Variants in MAEA observed in about 807,000 individuals in gnomAD.
MAEA encodes the protein macrophage erythroblast attacher, E3 ubiquitin ligase, also known as E3 ubiquitin-protein transferase MAEA.
A neutral mutation model predicts 46.2 loss-of-function variants in MAEA; 22 were observed. The ratio of observed to expected loss-of-function variants is 0.48; its 90% CI spans 0.34 to 0.68. MAEA has a LOEUF of 0.68. Among genes scored for constraint, MAEA ranks in the 30% least tolerant of loss-of-function variants. The probability of loss-of-function intolerance (pLI) is 0.01; values close to 1 mark genes in which losing one functional copy is unlikely to be tolerated. For missense variants in MAEA, 393 were observed against 558.1 expected, an observed-to-expected ratio of 0.70 and a Z score of 2.98; for synonymous variants, 246 against 222.6, an observed-to-expected ratio of 1.11 and a Z score of -0.94.
chr4:1,302,085 A>G (rs1254580690), intron 1 of MAEA, among the ~76,000 whole-genome samples: 1 of 152,246 alleles, frequency 6.6e-6, no homozygotes, highest in East Asian at 1.9e-4. Flanking sequence ...GAGAAAATAG[A>G]TGCCAAAATA....
In MAEA at chr4:1,339,056, C is replaced by T. The variant is rs752200484; in HGVS notation, c.1096-18C>T. ...TTGTAGTCGCTTGCCTTAATGCATTCCCGGTTTTATTTTTCAGTCTCTGCT... is the reference window on the plus strand; with the variant it reads ...TTGTAGTCGCTTGCCTTAATGCATTTCCGGTTTTATTTTTCAGTCTCTGCT... On this transcript the variant is annotated intron_variant, in intron 8 of 8. Coordinates refer to ENST00000303400, the MANE Select transcript of MAEA (RefSeq NM_001017405.3). 2.7e-5 allele frequency: 43 copies of T among 1,600,852 alleles called. 1 individual carries two copies. The South Asian group carries it at 4.4e-4, about 16-fold the overall frequency.
In MAEA at chr4:1,311,144, C is replaced by T. The variant is rs1736446276; in HGVS notation, c.70-835C>T. Among the ~76,000 whole-genome samples the T allele has an allele frequency of 6.6e-6, 1 of 152,220 alleles. No homozygotes were observed. The highest frequency in any genetic ancestry group is 1.5e-5 in the Non-Finnish European group (1 of 68,046). The stretch of plus-strand genomic sequence containing the variant: ...GCACAGCTGCGACGGCAGAGTTGGG[C>T]CCACTGCTCTTGGGCGGCAGCACGG... On this transcript the variant is annotated intron_variant, in intron 1 of 8. Transcript: ENST00000303400. This position sits in a 1 kb window ranked among gnomAD's most constrained non-coding sequence, Gnocchi z 4.4.
chr4:1,303,662 C>T (rs1442433080), intron 1 of MAEA, among the ~76,000 whole-genome samples: 2 of 151,962 alleles, frequency 1.3e-5, no homozygotes, highest in African/African-American at 2.4e-5. Context: ...GGGACTACAG[C>T]GGGTTCCTTT....
intron 7 of MAEA, 30 bp from the exon 8 acceptor site, chr4:1,338,391 GC>G (rs776274818): frequency 2.5e-6 from 4 of 1,583,964 alleles, no homozygotes; most frequent in Non-Finnish European, 3.5e-6. Flanking sequence ...GCCCTGAGTG[GC>G]CCCCAACCCT....
intron 1 of MAEA, among the ~76,000 whole-genome samples, chr4:1,309,066 C>CT: frequency 6.6e-6 from 1 of 152,236 alleles, no homozygotes; most frequent in South Asian, 2.1e-4. Flanking sequence ...TTTCTTGTGT[C>CT]TTAGAATCTG....
rs1168309035 is a variant in MAEA at position 1,308,946 on chromosome 4, T to C, written c.70-3033T>C. ...TGTTGCCTGTGCTATTAGGAATCTA[T>C]TTTTAATGCTTTGCCCCTTTTCACT... is the stretch of plus-strand genomic sequence containing the variant. On this transcript the variant is annotated intron_variant, in intron 1 of 8. Coordinates refer to ENST00000303400, the MANE Select transcript of MAEA (RefSeq NM_001017405.3). Among the ~76,000 whole-genome samples the C allele has an allele frequency of 2.0e-5, 3 of 152,242 alleles. No homozygotes were observed. In the South Asian group the frequency reaches 6.2e-4, roughly 31 times the overall value.
intron 3 of MAEA, among the ~76,000 whole-genome samples, chr4:1,317,401 C>T (rs1350966190): frequency 6.6e-6 from 1 of 151,682 alleles, no homozygotes; most frequent in African/African-American, 2.4e-5. Context: ...GACTCACCCG[C>T]AGACCCACCT....
intron 5 of MAEA, chr4:1,328,863 A>G (rs749528940): frequency 3.8e-6 from 4 of 1,039,348 alleles, no homozygotes; most frequent in Non-Finnish European, 4.7e-6. Context: ...GCCTGCAACG[A>G]GGTCCCTTCT....
chr4:1,338,668 CAG>C, intron 8 of MAEA, 51 bp downstream of exon 8: 1 of 1,526,294 alleles, frequency 6.6e-7, no homozygotes, highest in South Asian at 1.2e-5. Flanking sequence ...GCCATCGGGA[CAG>C]GGCTGTGTGG....
At chr4:1,302,755 T>C (rs113332232) in intron 1 of MAEA, among the ~76,000 whole-genome samples, 23,409 of 152,150 alleles carry the variant, frequency 0.15, 3,462 homozygotes, top group East Asian at 0.42. Flanking sequence ...GCTGGGATTA[T>C]AGGCGTGAGC....
At chr4:1,310,326 A>T (rs1354987828) in intron 1 of MAEA, among the ~76,000 whole-genome samples, 1 of 152,080 alleles carries the variant, frequency 6.6e-6, no homozygotes, top group Non-Finnish European at 1.5e-5. Context: ...GTGACTTCCC[A>T]TCCACTAGAT....
At position 1,331,902 on chromosome 4, in the gene MAEA, C is replaced by T. The variant is rs1354902745; in HGVS notation, c.657-855C>T. 3 of 152,986 alleles carry T rather than the reference C, an allele frequency of 2.0e-5. No individual in the cohort carries two copies. In the Admixed American group the frequency reaches 2.0e-4, roughly 10 times the overall value. 9.5% of individuals were successfully genotyped at this position (152,986 alleles called of 1,614,324 possible). ...AGTGGGGTTCTGGCCTGGAGTAGGC[C>T]TGTGTGCATCCCGCAGAGTTGGCTC... On this transcript the variant is annotated intron_variant, in intron 5 of 8. Transcript: ENST00000303400.
At chr4:1,297,758 T>G (rs935672630) in intron 1 of MAEA, among the ~76,000 whole-genome samples, 1 of 152,156 alleles carries the variant, frequency 6.6e-6, no homozygotes, top group African/African-American at 2.4e-5. Context: ...CGAACCAATT[T>G]CTCCCCCGTC....
At chr4:1,334,094 CCCATGCCTACCGTGCT>C in intron 6 of MAEA, among the ~76,000 whole-genome samples, 1 of 20,878 alleles carries the variant, frequency 4.8e-5, no homozygotes, top group South Asian at 1.4e-3. Flanking sequence ...CTGCACCCAT[CCCATGCCTACCGTGCT>C]CACCCCCATG....
chr4:1,298,841 C>G (rs1215014038), intron 1 of MAEA, among the ~76,000 whole-genome samples: 1 of 152,034 alleles, frequency 6.6e-6, no homozygotes, highest in Non-Finnish European at 1.5e-5. Context: ...TAAAACATAC[C>G]CACTTGGCAA....
Position 1,306,566 on chromosome 4 carries a change from A to G in MAEA, c.70-5413A>G, listed in dbSNP as rs970064862. On this transcript the variant is annotated intron_variant, in intron 1 of 8. Coordinates refer to ENST00000303400, the MANE Select transcript of MAEA (RefSeq NM_001017405.3). ...GGGGGGCTTGCTTGTCGTAATACTG[A>G]GGCTGCAGGAGTTGGCTGTATTCCA... Among the ~76,000 whole-genome samples, 13 of 152,254 alleles carry G rather than the reference A, an allele frequency of 8.5e-5. 2 individuals are homozygous for G. The highest frequency in any genetic ancestry group is 1.9e-4 in the East Asian group (1 of 5,180).
intron 3 of MAEA, among the ~76,000 whole-genome samples, chr4:1,321,925 G>A (rs906835237): frequency 6.7e-6 from 1 of 150,088 alleles, no homozygotes; most frequent in African/African-American, 2.5e-5. Flanking sequence ...TAACTACCGC[G>A]ATATTAGCCA....
intron 7 of MAEA, 105 bp from the exon 8 acceptor site, chr4:1,338,317 A>G: frequency 1.2e-6 from 1 of 854,012 alleles, no homozygotes; most frequent in Admixed American, 2.3e-5. Context: ...CATGGCGCCC[A>G]CATAGCCAGA....
At position 1,311,495 on chromosome 4, in the gene MAEA, G is replaced by T. The variant is rs564573403; in HGVS notation, c.70-484G>T. Among the ~76,000 whole-genome samples, 1 of 152,182 alleles carries T rather than the reference G, an allele frequency of 6.6e-6. No individual in the cohort carries two copies. On this transcript the variant is annotated intron_variant, in intron 1 of 8. Transcript: ENST00000303400. The surrounding 1 kb of genome is among the most constrained non-coding windows in gnomAD (Gnocchi z 4.4). ...GTCGTGCACTTGTGGCTTCCCGTGC[G>T]TGTGTGAGGCTTGCTGTGCCCAACC... is the stretch of plus-strand genomic sequence containing the variant.
Sources: gnomAD v4.1 joint callset for allele counts (sites outside exome capture counted in the v4.1 genomes callset) on GRCh38, gnomAD v4.1.1 for gene constraint, Gnocchi (gnomAD v3.1) non-coding constraint, MANE v1.5 for transcripts, NCBI Gene and HGNC (gene_info 2026-07-23, HGNC 2026-07-21) for gene names.